Variants in OSBPL10 observed in about 807,000 individuals in gnomAD.
The protein encoded by OSBPL10 is oxysterol binding protein like 10.
In OSBPL10, 49 loss-of-function variants were observed where a neutral mutation model predicts 81.7. The observed-to-expected ratio is 0.60, with a 90% CI of 0.48 to 0.76. The LOEUF is 0.76. OSBPL10 is among the 30% of genes least tolerant of loss of function. The pLI is 0.00. For missense variants in OSBPL10, 923 were observed against 987.8 expected (o/e 0.93, Z 0.88); for synonymous variants, 419 against 383.6 (o/e 1.09, Z -1.08).
intron 2 of OSBPL10, among the ~76,000 whole-genome samples, chr3:31,878,817 G>GTA (rs1452855361): frequency 1.6e-4 from 6 of 37,650 alleles, no homozygotes; most frequent in Non-Finnish European, 2.7e-4. Flanking sequence ...GCGTGTCCAT[G>GTA]TGTGTGTGTG....
intron 4 of OSBPL10, among the ~76,000 whole-genome samples, chr3:31,820,172 A>C (rs1243469646): frequency 6.6e-6 from 1 of 152,186 alleles, no homozygotes; most frequent in African/African-American, 2.4e-5. Context: ...AGCACAAGGA[A>C]AGTATTGAGC....
intron 7 of OSBPL10, among the ~76,000 whole-genome samples, chr3:31,695,184 C>T (rs568124993): frequency 6.6e-6 from 1 of 152,324 alleles, no homozygotes; most frequent in Non-Finnish European, 1.5e-5. Context: ...CACCTTCTAC[C>T]TACTCTCTGA....
intron 4 of OSBPL10, among the ~76,000 whole-genome samples, chr3:31,750,830 C>T (rs956547469): frequency 6.6e-6 from 1 of 151,992 alleles, no homozygotes; most frequent in Non-Finnish European, 1.5e-5. Flanking sequence ...GGTATATACT[C>T]ATTTCTAATC....
chr3:32,015,079 C>G (rs1271087071), intron 2 of OSBPL10, among the ~76,000 whole-genome samples: 1 of 152,006 alleles, frequency 6.6e-6, no homozygotes, highest in Non-Finnish European at 1.5e-5. Context: ...TTTCTTCACA[C>G]AATTGGAAAA....
intron 1 of OSBPL10, among the ~76,000 whole-genome samples, chr3:31,884,324 A>G (rs1246821159): frequency 1.3e-5 from 2 of 152,236 alleles, no homozygotes; most frequent in Non-Finnish European, 1.5e-5. Context: ...ATGTGTACTA[A>G]GGAGAGTTAT....
intron 1 of OSBPL10, among the ~76,000 whole-genome samples, chr3:31,977,933 C>T (rs541705448): frequency 2.0e-5 from 3 of 152,190 alleles, no homozygotes; most frequent in African/African-American, 4.8e-5. Context: ...GAGTTGAGCA[C>T]GTTCCCATCA....
intron 5 of OSBPL10, among the ~76,000 whole-genome samples, chr3:31,738,846 T>G (rs1041917339): frequency 1.3e-5 from 2 of 152,018 alleles, no homozygotes; most frequent in African/African-American, 4.8e-5. Context: ...TTGAAAATAT[T>G]TACCAATGTA....
At chr3:32,039,647 A>T (rs1482626191) in intron 2 of OSBPL10, among the ~76,000 whole-genome samples, 1 of 152,060 alleles carries the variant, frequency 6.6e-6, no homozygotes, top group East Asian at 1.9e-4. Flanking sequence ...TGACAGAGTG[A>T]GACTCTGTCT....
At chr3:31,664,532 C>T (rs974879078) in intron 10 of OSBPL10, 8 of 505,130 alleles carry the variant, frequency 1.6e-5, no homozygotes, top group Non-Finnish European at 2.5e-5. Flanking sequence ...CTACAAACAA[C>T]GGTAGCAGGC....
At chr3:32,000,927 C>T (rs1430950368) in intron 2 of OSBPL10, among the ~76,000 whole-genome samples, 4 of 152,164 alleles carry the variant, frequency 2.6e-5, no homozygotes, top group East Asian at 3.9e-4. Context: ...ATCTTTGGAA[C>T]TGGAATGAAG....
At chr3:31,794,866 GA>G in intron 4 of OSBPL10, 1 of 380,214 alleles carries the variant, frequency 2.6e-6, no homozygotes, top group South Asian at 2.5e-5. Context: ...GGATGACACT[GA>G]AAACCTTCAT....
intron 1 of OSBPL10, among the ~76,000 whole-genome samples, chr3:31,944,298 GCTT>G (rs1026506117): frequency 5.9e-5 from 9 of 151,978 alleles, no homozygotes; most frequent in African/African-American, 1.7e-4. Context: ...AAAATAAGCA[GCTT>G]TTTTAAATGT....
chr3:31,662,751 C>A, intron 11 of OSBPL10: 2 of 985,430 alleles, frequency 2.0e-6, no homozygotes, highest in Non-Finnish European at 2.4e-6. Context: ...TCAGGAAGAA[C>A]TGTAAATGTT....
chr3:31,963,194 T>C (rs940608566), intron 1 of OSBPL10, among the ~76,000 whole-genome samples: 1 of 151,638 alleles, frequency 6.6e-6, no homozygotes, highest in African/African-American at 2.4e-5. Context: ...CTCCCCTCCC[T>C]TCTCTCCCTT....
intron 1 of OSBPL10, among the ~76,000 whole-genome samples, chr3:31,962,133 T>C (rs1698185802): frequency 6.6e-6 from 1 of 152,016 alleles, no homozygotes; most frequent in Admixed American, 6.6e-5. Context: ...TTTTTTGTAT[T>C]TTTAGTAGAG....
chr3:31,831,209 C>A (rs906215066), intron 3 of OSBPL10, among the ~76,000 whole-genome samples: 2 of 152,028 alleles, frequency 1.3e-5, no homozygotes, highest in African/African-American at 4.8e-5. Flanking sequence ...GAGTTCAAGA[C>A]CAGCCTGACC....
intron 2 of OSBPL10, chr3:31,990,137 G>A (rs769752890): frequency 3.4e-5 from 55 of 1,610,998 alleles, no homozygotes; most frequent in Admixed American, 1.0e-4. Context: ...GCTTTCAGGC[G>A]TGATTCACAC....
intron 8 of OSBPL10, among the ~76,000 whole-genome samples, chr3:31,673,866 T>C (rs111493648): frequency 2.2e-4 from 33 of 152,110 alleles, no homozygotes; most frequent in African/African-American, 8.0e-4. Context: ...CGATCATGGC[T>C]CACTGCAGCC....
At chr3:31,853,414 G>A (rs1462281530) in intron 3 of OSBPL10, among the ~76,000 whole-genome samples, 2 of 152,152 alleles carry the variant, frequency 1.3e-5, no homozygotes, top group Middle Eastern at 3.2e-3. Context: ...ACAAGATGAT[G>A]GAGGTAAAGT....
Sources: gnomAD v4.1 joint callset for allele counts (sites outside exome capture counted in the v4.1 genomes callset) on GRCh38, gnomAD v4.1.1 for gene constraint, MANE v1.5 for transcripts, NCBI Gene and HGNC (gene_info 2026-07-23, HGNC 2026-07-21) for gene names.